The following MEMO1 variants were observed in gnomAD, a reference collection of about 807,000 sequenced individuals.
MEMO1 encodes mediator of cell motility 1, also known as protein MEMO1.
Under a neutral mutation model 45.2 loss-of-function variants are expected in MEMO1, and 6 were observed. The ratio of observed to expected loss-of-function variants is 0.13; its 90% CI spans 0.07 to 0.26. The LOEUF is 0.26. Among genes scored for constraint, MEMO1 ranks in the 10% least tolerant of loss-of-function variants. The probability of loss-of-function intolerance (pLI) is 1.00; values close to 1 mark genes in which losing one functional copy is unlikely to be tolerated. For synonymous variants in MEMO1, 78 were observed against 124.3 expected (o/e 0.63, Z 2.48); for missense variants, 184 against 370.5 (o/e 0.50, Z 4.13).
At chr2:31,886,496 T>G (rs578180537) in intron 7 of MEMO1, among the ~76,000 whole-genome samples, 1 of 152,222 alleles carries the variant, frequency 6.6e-6, no homozygotes, top group South Asian at 2.1e-4. Context: ...TTTTATTATT[T>G]TAAAAGTGTC....
At chr2:31,951,764 T>A (rs944605926) in intron 2 of MEMO1, among the ~76,000 whole-genome samples, 1 of 152,068 alleles carries the variant, frequency 6.6e-6, no homozygotes, top group African/African-American at 2.4e-5. Flanking sequence ...ACTTTTGACT[T>A]CATGACCCAA....
chr2:31,904,965 G>A (rs1460209324), intron 6 of MEMO1, among the ~76,000 whole-genome samples: 1 of 152,238 alleles, frequency 6.6e-6, no homozygotes, highest in African/African-American at 2.4e-5. Flanking sequence ...TGGGCGCAAT[G>A]GCTCATGCCT....
At chr2:31,900,864 G>C (rs536004688) in intron 6 of MEMO1, among the ~76,000 whole-genome samples, 2 of 152,112 alleles carry the variant, frequency 1.3e-5, no homozygotes, top group Admixed American at 1.3e-4. Flanking sequence ...ATATAAAATG[G>C]TACAGTCACT....
intron 2 of MEMO1, among the ~76,000 whole-genome samples, chr2:31,966,962 G>C (rs1668696260): frequency 6.6e-6 from 1 of 151,874 alleles, no homozygotes; most frequent in Admixed American, 6.6e-5. Context: ...AAAAAGCTTT[G>C]TATAAATATA....
chr2:31,951,599 C>G (rs538179710), intron 2 of MEMO1, among the ~76,000 whole-genome samples: 18 of 151,522 alleles, frequency 1.2e-4, no homozygotes, highest in Non-Finnish European at 2.6e-4. Context: ...GTGGCACGAT[C>G]TCGGCTCACT....
intron 2 of MEMO1, among the ~76,000 whole-genome samples, chr2:32,002,841 C>A (rs1673579735): frequency 6.6e-6 from 1 of 152,150 alleles, no homozygotes; most frequent in East Asian, 1.9e-4. Flanking sequence ...TTGGAAACTG[C>A]ATGTGAAAGG....
Position 32,002,252 on chromosome 2 carries a change from C to CATATACGTATATACGTATAT in MEMO1, c.61+7934_61+7935insATATACGTATATACGTATAT, listed in dbSNP as rs1558570324. On this transcript the variant is annotated intron_variant, in intron 2 of 9. Coordinates refer to ENST00000404530, the MANE Select transcript of MEMO1 (RefSeq NM_001301833.4). ...GTGTATATATACATATACATATATA[C>CATATACGTATATACGTATAT]GTGTATATATACATACACATATATA... 2.3e-3 allele frequency among the ~76,000 whole-genome samples: 310 copies of CATATACGTATATACGTATAT among 136,260 alleles called. 6 individuals carry two copies. The highest frequency in any genetic ancestry group is 8.2e-3 in the African/African-American group (291 of 35,366). The allele number at this position is 136,260 out of a possible 152,430, so 89.4% of individuals were successfully genotyped here.
intron 2 of MEMO1, among the ~76,000 whole-genome samples, chr2:31,997,090 C>T (rs1162583156): frequency 1.3e-5 from 2 of 152,112 alleles, no homozygotes; most frequent in Non-Finnish European, 2.9e-5. Context: ...CCAGAGACTA[C>T]TGTCTCCCAG....
At chr2:31,879,695 T>C (rs934222463) in intron 8 of MEMO1, among the ~76,000 whole-genome samples, 1 of 151,412 alleles carries the variant, frequency 6.6e-6, no homozygotes, top group Admixed American at 6.8e-5. Context: ...ATTTCTGAGA[T>C]ATTTTTGTTC....
intron 2 of MEMO1, among the ~76,000 whole-genome samples, chr2:31,977,607 A>G (rs987273047): frequency 1.3e-5 from 2 of 152,064 alleles, no homozygotes; most frequent in Non-Finnish European, 2.9e-5. Context: ...TCTGCCTCCT[A>G]GGTACAAGCG....
intron 2 of MEMO1, among the ~76,000 whole-genome samples, chr2:31,999,366 T>C (rs966117554): frequency 9.2e-5 from 14 of 152,042 alleles, no homozygotes; most frequent in African/African-American, 3.4e-4. Context: ...CTGACTCAAG[T>C]AAAAGTCCTT....
intron 2 of MEMO1, among the ~76,000 whole-genome samples, chr2:31,973,728 A>G (rs1197396580): frequency 1.3e-5 from 2 of 152,256 alleles, no homozygotes; most frequent in East Asian, 3.8e-4. Flanking sequence ...GAAGTCACAT[A>G]CAATACCATA....
At chr2:31,881,554 C>T (rs969999762) in intron 8 of MEMO1, among the ~76,000 whole-genome samples, 1 of 142,812 alleles carries the variant, frequency 7.0e-6, no homozygotes, top group Non-Finnish European at 1.5e-5. Context: ...CCAAATGGCC[C>T]AAAAACAAGA....
intron 2 of MEMO1, among the ~76,000 whole-genome samples, chr2:31,980,993 C>G (rs1352095101): frequency 6.6e-6 from 1 of 152,174 alleles, no homozygotes; most frequent in Non-Finnish European, 1.5e-5. Flanking sequence ...TAATCAGTGT[C>G]CAACTCTTTC....
intron 2 of MEMO1, among the ~76,000 whole-genome samples, chr2:31,951,691 C>A (rs1666869602): frequency 6.6e-6 from 1 of 152,078 alleles, no homozygotes; most frequent in Admixed American, 6.6e-5. Context: ...TGCCACCGCA[C>A]CCGGCTAATT....
chr2:31,994,106 G>A lies in MEMO1; in HGVS notation c.61+16081C>T, dbSNP rs564552181. On this transcript the variant is annotated intron_variant, in intron 2 of 9. Transcript: ENST00000404530. ...CCCCCGAGCAGCTGGGATTACAGGC[G>A]TGCACCACCACGCCTGGCTAATTTT... Among the ~76,000 whole-genome samples the A allele has an allele frequency of 3.7e-4, 55 of 150,028 alleles. 1 individual carries two copies. The highest frequency in any genetic ancestry group is 2.1e-4 in the South Asian group (1 of 4,702).
chr2:31,892,041 T>C lies in MEMO1; in HGVS notation c.531A>G (p.Leu177=). 4 of 1,612,536 alleles carry C rather than the reference T, an allele frequency of 2.5e-6. No homozygotes were observed. The highest frequency in any genetic ancestry group is 3.4e-6 in the Non-Finnish European group (4 of 1,179,508). ...CCACAAAGAGATTACTAGGATCCGC[T>C]AGATATTTACTGAAGAGTTTTCCGA... ...QEFGKLFSKY[L]ADPSNLFVVS... is the part of the protein sequence containing the mutation. Residue 177 remains leucine, a synonymous_variant, in exon 7 of 10, where the codon CTA becomes CTG. Transcript: ENST00000404530.
chr2:32,006,563 A>G (rs533632248), intron 2 of MEMO1, among the ~76,000 whole-genome samples: 1 of 151,492 alleles, frequency 6.6e-6, no homozygotes, highest in African/African-American at 2.4e-5. Context: ...TTAAATATTA[A>G]CAACCATTCT....
At chr2:31,900,273 A>T (rs1678580619) in intron 6 of MEMO1, among the ~76,000 whole-genome samples, 1 of 152,240 alleles carries the variant, frequency 6.6e-6, no homozygotes, top group African/African-American at 2.4e-5. Flanking sequence ...AAGACTTGGA[A>T]CCAACCCAAA....
Sources: gnomAD v4.1 joint callset for allele counts (sites outside exome capture counted in the v4.1 genomes callset) on GRCh38, gnomAD v4.1.1 for gene constraint, MANE v1.5 for transcripts, NCBI Gene and HGNC (gene_info 2026-07-23, HGNC 2026-07-21) for gene names.